The following RSU1 variants were observed in gnomAD, a reference collection of about 807,000 sequenced individuals.
RSU1 encodes the protein Ras suppressor protein 1, also known as rsu-1.
Under a neutral mutation model 31.1 loss-of-function variants are expected in RSU1, and 26 were observed. The ratio of observed to expected loss-of-function variants is 0.84; its 90% CI spans 0.61 to 1.16. RSU1 has a LOEUF of 1.16. Ranked by LOEUF, RSU1 falls within the 50% of genes most tolerant of loss-of-function variation. The probability of loss-of-function intolerance (pLI) is 0.00; values close to 1 mark genes in which losing one functional copy is unlikely to be tolerated. For missense variants in RSU1, 320 were observed against 339.1 expected, an observed-to-expected ratio of 0.94 and a Z score of 0.44; for synonymous variants, 164 against 136.3, an observed-to-expected ratio of 1.20 and a Z score of -1.41.
chr10:16,591,438 TGC>T lies in RSU1; in HGVS notation c.*1954_*1955del, dbSNP rs1833503048. ...GCCCCAGTACACAATCTTAAGGTTT[TGC>T]CACCTATCGTCAAACTGCTACGGCC... On this transcript the variant is annotated 3_prime_UTR_variant, in exon 9 of 9. Coordinates refer to ENST00000345264, the MANE Select transcript of RSU1 (RefSeq NM_012425.4). 6.6e-6 allele frequency: 1 copy of T among 152,226 alleles called. No individual in the cohort carries two copies. The highest frequency in any genetic ancestry group is 6.5e-5 in the Admixed American group (1 of 15,276). The allele number at this position is 152,226 out of a possible 1,614,324, so 9.4% of individuals were successfully genotyped here. A position where few individuals can be genotyped will look rare whatever the true frequency, so the allele number is the denominator to read the frequency against.
chr10:16,646,710 T>C (rs773530546), intron 8 of RSU1, among the ~76,000 whole-genome samples: 3 of 152,206 alleles, frequency 2.0e-5, no homozygotes, highest in Non-Finnish European at 4.4e-5. Context: ...AAAGATACCA[T>C]GGTGGCAAGC....
intron 8 of RSU1, among the ~76,000 whole-genome samples, chr10:16,611,401 T>C (rs1376676168): frequency 6.6e-6 from 1 of 152,202 alleles, no homozygotes; most frequent in Non-Finnish European, 1.5e-5. Context: ...TTTTTTAACT[T>C]CCCCATTCTT....
chr10:16,595,466 G>A (rs1045075933), intron 8 of RSU1, among the ~76,000 whole-genome samples: 1 of 152,208 alleles, frequency 6.6e-6, no homozygotes, highest in Non-Finnish European at 1.5e-5. Context: ...ACAGACCTAC[G>A]AGCCGGAGCG....
At chr10:16,785,495 T>C (rs1176140101) in intron 2 of RSU1, among the ~76,000 whole-genome samples, 3 of 138,538 alleles carry the variant, frequency 2.2e-5, no homozygotes, top group South Asian at 2.1e-4. Flanking sequence ...TATACATATA[T>C]ATATACACAT....
chr10:16,805,539 T>G (rs536347147), intron 2 of RSU1, among the ~76,000 whole-genome samples: 50 of 149,862 alleles, frequency 3.3e-4, no homozygotes, highest in Middle Eastern at 3.6e-3. Context: ...AGCCAGGCGT[T>G]GTGGCGGGCG....
At chr10:16,780,356 C>T (rs1006685115) in intron 3 of RSU1, among the ~76,000 whole-genome samples, 1 of 152,182 alleles carries the variant, frequency 6.6e-6, no homozygotes, top group African/African-American at 2.4e-5. Flanking sequence ...CTACTGGGCT[C>T]AGCCTCTTCA....
At chr10:16,676,523 T>G (rs955927182) in intron 8 of RSU1, among the ~76,000 whole-genome samples, 1 of 152,142 alleles carries the variant, frequency 6.6e-6, no homozygotes, top group African/African-American at 2.4e-5. Flanking sequence ...AAGATGAGAT[T>G]TGGGTGGGGA....
chr10:16,635,528 G>A (rs574600215), intron 8 of RSU1, among the ~76,000 whole-genome samples: 1 of 152,252 alleles, frequency 6.6e-6, no homozygotes, highest in Admixed American at 6.5e-5. Context: ...CCCTGTCGCT[G>A]GGACTCTGGC....
chr10:16,632,384 CTAAT>C (rs1554761082), intron 8 of RSU1, among the ~76,000 whole-genome samples: 2 of 152,114 alleles, frequency 1.3e-5, no homozygotes. Flanking sequence ...GTCTTCTCCT[CTAAT>C]TGAAGGTAAC....
chr10:16,780,053 T>A (rs1045210010), intron 3 of RSU1, among the ~76,000 whole-genome samples: 3 of 152,148 alleles, frequency 2.0e-5, no homozygotes, highest in Admixed American at 1.3e-4. Context: ...TCACAGTCAG[T>A]CTCCTGAATG....
At chr10:16,697,109 A>G (rs1228387787) in intron 7 of RSU1, among the ~76,000 whole-genome samples, 3 of 152,134 alleles carry the variant, frequency 2.0e-5, no homozygotes, top group Admixed American at 2.0e-4. Context: ...GCACGATGGT[A>G]TGTTGCCCAT....
chr10:16,655,574 C>T (rs527679048), intron 8 of RSU1, among the ~76,000 whole-genome samples: 3 of 152,030 alleles, frequency 2.0e-5, no homozygotes, highest in Non-Finnish European at 4.4e-5. Context: ...AATATAATTG[C>T]TTATTATATA....
At chr10:16,812,782 C>T (rs1358559600) in intron 2 of RSU1, among the ~76,000 whole-genome samples, 1 of 151,978 alleles carries the variant, frequency 6.6e-6, no homozygotes, top group Admixed American at 6.6e-5. Flanking sequence ...AATCAGGAAA[C>T]ACTTAAATAA....
intron 8 of RSU1, among the ~76,000 whole-genome samples, chr10:16,679,154 G>A (rs949729311): frequency 2.0e-5 from 3 of 152,126 alleles, no homozygotes; most frequent in Non-Finnish European, 4.4e-5. Context: ...ACAATGAACT[G>A]TATAACTTGG....
intron 8 of RSU1, among the ~76,000 whole-genome samples, chr10:16,596,131 G>T (rs1175896272): frequency 3.3e-5 from 5 of 152,132 alleles, no homozygotes; most frequent in African/African-American, 1.2e-4. Context: ...TTTAGATAGG[G>T]AGTAAAGTTC....
chr10:16,722,041 A>G (rs1043084456), intron 7 of RSU1, among the ~76,000 whole-genome samples: 5 of 152,182 alleles, frequency 3.3e-5, no homozygotes, highest in Non-Finnish European at 7.3e-5. Context: ...TCCTGGTTTT[A>G]GTCACTCATG....
chr10:16,616,114 C>A (rs1833971278), intron 8 of RSU1, among the ~76,000 whole-genome samples: 1 of 151,782 alleles, frequency 6.6e-6, no homozygotes, highest in Admixed American at 6.6e-5. Flanking sequence ...GCAAAATAGA[C>A]CACTAGCTAG....
chr10:16,759,368 G>A (rs535165199), intron 4 of RSU1, among the ~76,000 whole-genome samples: 6 of 152,074 alleles, frequency 3.9e-5, no homozygotes, highest in African/African-American at 7.2e-5. Flanking sequence ...TCAGCATGGC[G>A]TGGTGGTGCG....
chr10:16,660,877 C>A (rs1834876086), intron 8 of RSU1, among the ~76,000 whole-genome samples: 2 of 151,900 alleles, frequency 1.3e-5, no homozygotes, highest in African/African-American at 4.8e-5. Flanking sequence ...GAACTCCTGG[C>A]CTCAAGTGAT....
Sources: allele counts gnomAD v4.1 joint callset (sites outside exome capture counted in the v4.1 genomes callset), GRCh38; gene constraint gnomAD v4.1.1; transcripts MANE v1.5; gene names NCBI Gene and HGNC (gene_info 2026-07-23, HGNC 2026-07-21).